ALK: variants seen among roughly 807,000 people sequenced by gnomAD.
ALK encodes the protein ALK tyrosine kinase receptor.
In ALK, 74 loss-of-function variants were observed where a neutral mutation model predicts 163.1. That is an observed-to-expected ratio of 0.45 (90% CI 0.38 to 0.55). The LOEUF is 0.55. Ranked by LOEUF, ALK falls within the 20% of genes least tolerant of loss-of-function variation. The pLI is 0.00. For synonymous variants in ALK, 960 were observed against 843.2 expected (o/e 1.14, Z -2.40); for missense variants, 2,063 against 2,105.3 (o/e 0.98, Z 0.39).
chr2:29,275,587 G>T (rs1665520762), intron 9 of ALK, 91 bp from the exon 10 acceptor site: 2 of 1,339,168 alleles, frequency 1.5e-6, no homozygotes, highest in African/African-American at 1.4e-5. Flanking sequence ...TGATCACCTG[G>T]CTCAGAATGT....
At chr2:29,883,081 G>C (rs577683901) in intron 1 of ALK, among the ~76,000 whole-genome samples, 1 of 151,310 alleles carries the variant, frequency 6.6e-6, no homozygotes, top group South Asian at 2.1e-4. Context: ...GACAGAGAGA[G>C]GAAGGGAGAG....
intron 11 of ALK, among the ~76,000 whole-genome samples, chr2:29,269,802 C>A (rs547233179): frequency 2.9e-5 from 4 of 138,852 alleles, no homozygotes; most frequent in Admixed American, 7.3e-5. Flanking sequence ...AATGAACAGT[C>A]CCCCCCCAGC....
chr2:29,889,916 G>A (rs1233841247), intron 1 of ALK, among the ~76,000 whole-genome samples: 1 of 152,140 alleles, frequency 6.6e-6, no homozygotes, highest in Non-Finnish European at 1.5e-5. Context: ...GGACCCTCTT[G>A]TGAAAGCAAG....
chr2:29,394,327 A>AAAAG (rs945971338), intron 4 of ALK, among the ~76,000 whole-genome samples: 2 of 151,722 alleles, frequency 1.3e-5, no homozygotes, highest in African/African-American at 4.8e-5. Context: ...AGAAAAAAAA[A>AAAAG]AAAGAAAGAA....
In ALK at chr2:29,529,563, C is replaced by T. The variant is rs570077054; in HGVS notation, c.1154+2352G>A. 3.9e-5 allele frequency among the ~76,000 whole-genome samples: 6 copies of T among 152,330 alleles called. No homozygotes were observed. The South Asian group carries it at 1.2e-3, about 32-fold the overall frequency. Reference sequence around the variant, plus strand: ...AGGCAAATCTCCATCCTTTGTGATCCCAAACTCTGAACAGTGCAAAGCTGG... The same window carrying T: ...AGGCAAATCTCCATCCTTTGTGATCTCAAACTCTGAACAGTGCAAAGCTGG... On this transcript the variant is annotated intron_variant, in intron 4 of 28. Coordinates refer to ENST00000389048, the MANE Select transcript of ALK (RefSeq NM_004304.5).
chr2:29,260,047 G>A (rs983772677), intron 11 of ALK, among the ~76,000 whole-genome samples: 12 of 152,128 alleles, frequency 7.9e-5, no homozygotes, highest in African/African-American at 2.9e-4. Flanking sequence ...TTTGATGTGT[G>A]TCATCTTTTT....
chr2:29,684,215 G>A (rs924349693), intron 3 of ALK, among the ~76,000 whole-genome samples: 23 of 152,138 alleles, frequency 1.5e-4, no homozygotes, highest in Non-Finnish European at 2.6e-4. Context: ...ATAGAAATCA[G>A]TGAGGCTAAA....
chr2:29,750,733 A>G (rs867562908), intron 1 of ALK, among the ~76,000 whole-genome samples: 1 of 140,482 alleles, frequency 7.1e-6, no homozygotes, highest in African/African-American at 2.6e-5. Context: ...GGAAGGAAGA[A>G]AGGGAGGGAG....
chr2:29,384,430 G>A lies in ALK; in HGVS notation c.1155-571C>T, dbSNP rs1159075611. On this transcript the variant is annotated intron_variant, in intron 4 of 28. Transcript: ENST00000389048. ...GGGGTAAAAGGTACCTAAGACTGAC[G>A]TGGACTTTGCAAAAAGTGCCAACAG... Among the ~76,000 whole-genome samples, 8 of 152,304 alleles carry A rather than the reference G, an allele frequency of 5.3e-5. 1 individual carries two copies. Among genetic ancestry groups the A allele is most frequent in the Admixed American group, 3.3e-4 (5 of 15,294 alleles).
intron 22 of ALK, chr2:29,221,063 G>C (rs577013168): frequency 1.6e-4 from 104 of 656,096 alleles, no homozygotes; most frequent in Middle Eastern, 7.4e-4. Flanking sequence ...TTGCAGGAGA[G>C]TGGCTGGAGC....
chr2:29,706,066 G>A (rs1678903453), intron 2 of ALK, among the ~76,000 whole-genome samples: 2 of 152,222 alleles, frequency 1.3e-5, no homozygotes, highest in African/African-American at 4.8e-5. Flanking sequence ...TCTAGCTCTG[G>A]CTCTGTGATA....
chr2:29,594,905 GGGC>G (rs1558400826), intron 3 of ALK, among the ~76,000 whole-genome samples: 2 of 96,670 alleles, frequency 2.1e-5, no homozygotes, highest in African/African-American at 8.0e-5. Context: ...GGGGGGTGGG[GGGC>G]GGGGGGCAAA....
chr2:29,657,784 A>G (rs1376651135), intron 3 of ALK, among the ~76,000 whole-genome samples: 1 of 152,178 alleles, frequency 6.6e-6, no homozygotes, highest in Non-Finnish European at 1.5e-5. Flanking sequence ...CTCTCCAGCT[A>G]CGATGGGGCT....
intron 23 of ALK, among the ~76,000 whole-genome samples, chr2:29,214,726 T>G (rs1158870333): frequency 6.6e-6 from 1 of 152,210 alleles, no homozygotes; most frequent in Non-Finnish European, 1.5e-5. Context: ...TGGACAGCCT[T>G]GCTGAGCACA....
chr2:29,559,770 T>A (rs1285597636), intron 3 of ALK, among the ~76,000 whole-genome samples: 1 of 141,824 alleles, frequency 7.1e-6, no homozygotes, highest in Admixed American at 6.9e-5. Context: ...AGCATGTACG[T>A]GTGTGTGTGT....
Position 29,431,957 on chromosome 2 carries a change from C to T in ALK, c.1155-48098G>A, listed in dbSNP as rs1670283205. On this transcript the variant is annotated intron_variant, in intron 4 of 28. Transcript: ENST00000389048. ...CCCGTCCCGTCCAGTCCCGTCCCAT[C>T]CCATCCCATCCCATCCCAGTATTTC... is the stretch of plus-strand genomic sequence containing the variant. 2.0e-5 allele frequency among the ~76,000 whole-genome samples: 3 copies of T among 151,908 alleles called. No homozygotes were observed. The South Asian group carries it at 6.3e-4, about 32-fold the overall frequency.
chr2:29,783,019 G>T (rs1366875975), intron 1 of ALK, among the ~76,000 whole-genome samples: 1 of 152,192 alleles, frequency 6.6e-6, no homozygotes, highest in African/African-American at 2.4e-5. Context: ...TGGTAGCAGT[G>T]TTGTGTTCTG....
chr2:29,565,946 A>C (rs1674173185), intron 3 of ALK, among the ~76,000 whole-genome samples: 1 of 152,238 alleles, frequency 6.6e-6, no homozygotes, highest in African/African-American at 2.4e-5. Context: ...ATTAGCACTC[A>C]GAGCTTTGTG....
intron 1 of ALK, among the ~76,000 whole-genome samples, chr2:29,789,862 C>A (rs571116659): frequency 2.0e-5 from 3 of 152,208 alleles, no homozygotes; most frequent in African/African-American, 4.8e-5. Flanking sequence ...CCGTGGAGAA[C>A]CTTGGAGTTT....
Sources: gnomAD v4.1 joint callset for allele counts (sites outside exome capture counted in the v4.1 genomes callset) on GRCh38, gnomAD v4.1.1 for gene constraint, MANE v1.5 for transcripts, NCBI Gene and HGNC (gene_info 2026-07-23, HGNC 2026-07-21) for gene names.